The following DDX6 variants were observed in gnomAD, a reference collection of about 807,000 sequenced individuals.
The protein encoded by DDX6 is DEAD-box helicase 6.
DDX6 carries 7 observed loss-of-function variants against 60.6 expected under a neutral mutation model. The observed-to-expected ratio is 0.12, with a 90% confidence interval of 0.07 to 0.22. DDX6 has a LOEUF of 0.22. Ranked by LOEUF, DDX6 falls within the 10% of genes least tolerant of loss-of-function variation. The pLI is 1.00. For synonymous variants in DDX6, 207 were observed against 201.0 expected, an observed-to-expected ratio of 1.03 and a Z score of -0.25; for missense variants, 270 against 589.9, an observed-to-expected ratio of 0.46 and a Z score of 5.62.
chr11:118,768,987 C>CA (rs782136763), intron 4 of DDX6, among the ~76,000 whole-genome samples: 518 of 39,928 alleles, frequency 0.013, 50 homozygotes, highest in South Asian at 0.067. Flanking sequence ...CGTCTCATCT[C>CA]AAAAAAAAAA....
In DDX6 at chr11:118,754,960, T is replaced by G. The variant is rs73001476; in HGVS notation, c.1277-73A>C. On this transcript the variant is annotated intron_variant, in intron 12 of 13. Coordinates refer to ENST00000534980, the MANE Select transcript of DDX6 (RefSeq NM_004397.6). ...AATGTGAATTGTGCAAGTCAAGCAG[T>G]GGCAAAACCACACAGGATTGATAAT... The G allele has an allele frequency of 3.1e-4, 407 of 1,294,494 alleles. 1 individual carries two copies. The highest frequency in any genetic ancestry group is 2.9e-4 in the Non-Finnish European group (280 of 950,382). 80.2% of individuals were successfully genotyped at this position (1,294,494 alleles called of 1,614,324 possible). A position where few individuals can be genotyped will look rare whatever the true frequency, so the allele number is the denominator to read the frequency against.
chr11:118,755,524 T>G, intron 11 of DDX6, 21 bp from the exon 12 acceptor site: 1 of 1,337,036 alleles, frequency 7.5e-7, no homozygotes, highest in Non-Finnish European at 1.1e-6. Context: ...AAAAGATAAT[T>G]TTCATTTTTT....
Position 118,768,115 on chromosome 11 carries a change from A to G in DDX6, c.499+108T>C, listed in dbSNP as rs562327453. 4.5e-5 allele frequency: 50 copies of G among 1,099,748 alleles called. No individual in the cohort carries two copies. In the African/African-American group the frequency reaches 7.5e-4, roughly 16 times the overall value. The allele number at this position is 1,099,748 out of a possible 1,614,324, so 68.1% of individuals were successfully genotyped here. On this transcript the variant is annotated intron_variant, in intron 5 of 13. Coordinates refer to ENST00000534980, the MANE Select transcript of DDX6 (RefSeq NM_004397.6). ...GAAAAAACCTGAAAAGAAAGAATAC[A>G]AATTTTAGATAATGTAAATTCTGAC...
At chr11:118,783,696 G>GGAGGCA (rs1195196183) in intron 2 of DDX6, among the ~76,000 whole-genome samples, 1 of 150,500 alleles carries the variant, frequency 6.6e-6, no homozygotes, top group Non-Finnish European at 1.5e-5. Flanking sequence ...CAGCTACTTG[G>GGAGGCA]GAGGCAGAGG....
chr11:118,767,257 T>C (rs1861384887), intron 5 of DDX6, among the ~76,000 whole-genome samples: 2 of 152,190 alleles, frequency 1.3e-5, no homozygotes, highest in South Asian at 4.1e-4. Flanking sequence ...TTATTAACAA[T>C]ATTTCTAAAA....
intron 4 of DDX6, among the ~76,000 whole-genome samples, chr11:118,768,886 G>A (rs1001524459): frequency 2.8e-5 from 4 of 141,118 alleles, no homozygotes; most frequent in Non-Finnish European, 4.5e-5. Context: ...GTGTGGTGGT[G>A]GGTGTCCATA....
intron 5 of DDX6, among the ~76,000 whole-genome samples, chr11:118,767,335 C>A (rs992588469): frequency 1.3e-5 from 2 of 152,152 alleles, no homozygotes; most frequent in African/African-American, 4.8e-5. Flanking sequence ...GCTACCTAGG[C>A]TCTATTTACA....
chr11:118,758,674 A>C, intron 9 of DDX6, 100 bp downstream of exon 9: 1 of 1,424,116 alleles, frequency 7.0e-7, no homozygotes, highest in Non-Finnish European at 9.5e-7. Flanking sequence ...CAGAAACACT[A>C]CGAACTTTTA....
chr11:118,762,289 ATAAT>A (rs1565565076), intron 7 of DDX6, among the ~76,000 whole-genome samples: 5 of 149,720 alleles, frequency 3.3e-5, no homozygotes, highest in Admixed American at 6.7e-5. Context: ...AAAAAAAATA[ATAAT>A]AATAATAATA....
rs755332015 is a variant in DDX6 at position 118,786,046 on chromosome 11, A to T, written c.200+6T>A. 6.2e-7 allele frequency: 1 copy of T among 1,611,104 alleles called. No individual in the cohort carries two copies. ...GTGTTTATTAATAATTTACTCTAAC[A>T]CTTACTTAATAGTGGTGGTCATACT... is the stretch of plus-strand genomic sequence containing the variant. On this transcript the variant is annotated splice_donor_region_variant and intron_variant, in intron 2 of 13. Coordinates refer to ENST00000534980, the MANE Select transcript of DDX6 (RefSeq NM_004397.6).
chr11:118,769,238 T>G (rs1436606624), intron 4 of DDX6, among the ~76,000 whole-genome samples: 3 of 152,098 alleles, frequency 2.0e-5, no homozygotes, highest in Admixed American at 2.0e-4. Context: ...GGACACCTCA[T>G]CCCTGCAACA....
chr11:118,758,972 T>C (rs1555159604), intron 8 of DDX6, 70 bp from the exon 9 acceptor site: 8 of 1,581,134 alleles, frequency 5.1e-6, no homozygotes, highest in Middle Eastern at 1.9e-4. Flanking sequence ...AAATTCAAAA[T>C]ATACCCTATA....
In DDX6 at chr11:118,786,351, A is replaced by C; in HGVS notation, c.-100T>G. 9.6e-7 allele frequency: 1 copy of C among 1,042,310 alleles called. No individual in the cohort carries two copies. Among genetic ancestry groups the C allele is most frequent in the Non-Finnish European group, 1.4e-6 (1 of 727,022 alleles). The allele number at this position is 1,042,310 out of a possible 1,614,324, so 64.6% of individuals were successfully genotyped here. On this transcript the variant is annotated 5_prime_UTR_variant, in exon 2 of 14. The change creates a new upstream start codon in the 5' untranslated region. Coordinates refer to ENST00000534980, the MANE Select transcript of DDX6 (RefSeq NM_004397.6). ...TTAGGCTCTCCAAAATGAAGAGATA[A>C]ATATAAGTCTTGCTCAATAAATGAG...
rs373050801 is a variant in DDX6 at position 118,760,062 on chromosome 11, G to T, written c.742-18C>A. ...TTATCTGCCTGCAGTAGAAAGAAAA[G>T]ACAATTTTAAAAACAATAAAATAAT... On this transcript the variant is annotated intron_variant, in intron 7 of 13. Coordinates refer to ENST00000534980, the MANE Select transcript of DDX6 (RefSeq NM_004397.6). 1.2e-6 allele frequency: 2 copies of T among 1,606,128 alleles called. No individual in the cohort carries two copies. The highest frequency in any genetic ancestry group is 2.7e-5 in the African/African-American group (2 of 74,388).
intron 4 of DDX6, among the ~76,000 whole-genome samples, chr11:118,776,554 G>A (rs1861705174): frequency 6.6e-6 from 1 of 152,156 alleles, no homozygotes; most frequent in South Asian, 2.1e-4. Flanking sequence ...ACCTCAGTGG[G>A]CCAGGTGTGT....
At chr11:118,762,091 A>G (rs1861189983) in intron 7 of DDX6, among the ~76,000 whole-genome samples, 2 of 152,056 alleles carry the variant, frequency 1.3e-5, no homozygotes, top group South Asian at 4.1e-4. Flanking sequence ...CCTGGCCAAC[A>G]TTGCAAAACC....
intron 13 of DDX6, 75 bp downstream of exon 13, chr11:118,754,630 A>C: frequency 7.2e-7 from 1 of 1,384,582 alleles, no homozygotes. Flanking sequence ...GTGTGACATC[A>C]AATTTCCCCC....
At chr11:118,770,704 A>G (rs569539784) in intron 4 of DDX6, among the ~76,000 whole-genome samples, 1 of 152,186 alleles carries the variant, frequency 6.6e-6, no homozygotes, top group East Asian at 1.9e-4. Context: ...AGCCTGGCCA[A>G]CATGGTGAAA....
intron 4 of DDX6, among the ~76,000 whole-genome samples, chr11:118,769,892 T>A (rs1861479153): frequency 6.6e-6 from 1 of 151,976 alleles, no homozygotes; most frequent in African/African-American, 2.4e-5. Context: ...GTATTTTTAG[T>A]AGAGACGGGG....
Sources: allele counts gnomAD v4.1 joint callset (sites outside exome capture counted in the v4.1 genomes callset), GRCh38; gene constraint gnomAD v4.1.1; transcripts MANE v1.5; gene names NCBI Gene and HGNC (gene_info 2026-07-23, HGNC 2026-07-21).